The following FLNB variants were observed in gnomAD, a reference collection of about 807,000 sequenced individuals.
The protein encoded by FLNB is filamin B, also known as filamin-B.
In FLNB, 111 loss-of-function variants were observed where a neutral mutation model predicts 250.6. The ratio of observed to expected loss-of-function variants is 0.44; its 90% CI spans 0.38 to 0.52. The LOEUF is 0.52. FLNB is among the 20% of genes least tolerant of loss of function. The pLI, the probability that FLNB is intolerant of heterozygous loss-of-function variation, is 0.00. For missense variants in FLNB, 2,869 were observed against 3,447.8 expected (o/e 0.83, Z 4.20); for synonymous variants, 1,302 against 1,372.1 (o/e 0.95, Z 1.13).
intron 1 of FLNB, among the ~76,000 whole-genome samples, chr3:58,024,986 C>G (rs1478658310): frequency 6.8e-6 from 1 of 146,866 alleles, no homozygotes; most frequent in Non-Finnish European, 1.5e-5. Context: ...GCCAGAATTA[C>G]AAGCGTGAGC....
At chr3:58,073,711 G>A (rs1390951592) in intron 1 of FLNB, among the ~76,000 whole-genome samples, 1 of 152,210 alleles carries the variant, frequency 6.6e-6, no homozygotes, top group South Asian at 2.1e-4. Flanking sequence ...AGACTACAAG[G>A]AAGGTGCCAT....
intron 8 of FLNB, among the ~76,000 whole-genome samples, chr3:58,101,839 C>T (rs1285424798): frequency 2.6e-5 from 4 of 152,210 alleles, no homozygotes; most frequent in Non-Finnish European, 5.9e-5. Flanking sequence ...TATCCAATTA[C>T]TGAGCCCTTG....
chr3:58,040,686 G>A (rs1487917385), intron 1 of FLNB, among the ~76,000 whole-genome samples: 1 of 152,108 alleles, frequency 6.6e-6, no homozygotes, highest in East Asian at 1.9e-4. Context: ...GTAGAGACGG[G>A]GTTTCACCAC....
At chr3:58,036,494 CA>C (rs144097014) in intron 1 of FLNB, among the ~76,000 whole-genome samples, 4,017 of 152,124 alleles carry the variant, frequency 0.026, 158 homozygotes, top group African/African-American at 0.092. Flanking sequence ...GGTGGGATGG[CA>C]GAACTGGTTG....
In FLNB at chr3:58,055,463, G is replaced by A. The variant is rs940705515; in HGVS notation, c.293-21583G>A. Among the ~76,000 whole-genome samples, 9 of 152,138 alleles carry A rather than the reference G, an allele frequency of 5.9e-5. No homozygotes were observed. In the East Asian group the frequency reaches 1.2e-3, roughly 20 times the overall value. ...TTTTCAGTGACTTCCAAGAGTCTGC[G>A]TGAGAGATGACTGAGGTCTTGCCCT... is the stretch of plus-strand genomic sequence containing the variant. On this transcript the variant is annotated intron_variant, in intron 1 of 45. Transcript: ENST00000295956.
At chr3:58,151,573 C>T (rs1314769591) in intron 38 of FLNB, among the ~76,000 whole-genome samples, 4 of 152,170 alleles carry the variant, frequency 2.6e-5, no homozygotes, top group African/African-American at 9.7e-5. Context: ...TTTCCAGTCA[C>T]ATTGGTGTAC....
chr3:58,051,420 C>T (rs992472686), intron 1 of FLNB, among the ~76,000 whole-genome samples: 12 of 152,184 alleles, frequency 7.9e-5, no homozygotes, highest in African/African-American at 2.7e-4. Context: ...TGGGCACCTC[C>T]GGTTCTGCAA....
chr3:58,163,051 T>C, intron 42 of FLNB, 103 bp from the exon 43 acceptor site: 1 of 1,192,860 alleles, frequency 8.4e-7, no homozygotes, highest in South Asian at 1.2e-5. Context: ...GAACTGTTGA[T>C]TTTAAATGGG....
intron 1 of FLNB, among the ~76,000 whole-genome samples, chr3:58,018,505 T>C (rs904785040): frequency 1.3e-5 from 2 of 151,274 alleles, no homozygotes; most frequent in Admixed American, 6.6e-5. Context: ...TGGCTAGTTT[T>C]GGTATTTTTA....
intron 31 of FLNB, among the ~76,000 whole-genome samples, chr3:58,143,183 A>G (rs1345625499): frequency 1.3e-5 from 2 of 151,624 alleles, no homozygotes; most frequent in African/African-American, 4.8e-5. Flanking sequence ...TGCTCTATGT[A>G]TCCAGCTGGT....
intron 1 of FLNB, among the ~76,000 whole-genome samples, chr3:58,066,873 C>T (rs1411927361): frequency 6.6e-6 from 1 of 152,072 alleles, no homozygotes; most frequent in East Asian, 1.9e-4. Context: ...ACTCTCTATC[C>T]CAAAATAACA....
intron 43 of FLNB, chr3:58,165,768 C>A (rs142149151): frequency 6.6e-6 from 1 of 152,108 alleles, no homozygotes; most frequent in Non-Finnish European, 1.5e-5. Context: ...TCCAGGAACC[C>A]CAGTGTGCTC....
chr3:58,100,373 A>ATATATATATAT (rs1553696152), intron 8 of FLNB, among the ~76,000 whole-genome samples: 2 of 104,386 alleles, frequency 1.9e-5, no homozygotes, highest in African/African-American at 4.6e-5. Flanking sequence ...GTAAAAAAAA[A>ATATATATATAT]ATATATATAT....
chr3:58,155,592 T>C (rs1369521470), intron 40 of FLNB, among the ~76,000 whole-genome samples: 1 of 152,260 alleles, frequency 6.6e-6, no homozygotes, highest in Admixed American at 6.5e-5. Context: ...AATGGTGATG[T>C]AAGTCATATG....
chr3:58,017,693 C>T (rs912225813), intron 1 of FLNB, among the ~76,000 whole-genome samples: 3 of 152,168 alleles, frequency 2.0e-5, no homozygotes, highest in African/African-American at 7.2e-5. Flanking sequence ...TGTTGTAACT[C>T]TTCTGCAAAC....
chr3:58,027,884 T>C (rs1166997074), intron 1 of FLNB, among the ~76,000 whole-genome samples: 1 of 152,202 alleles, frequency 6.6e-6, no homozygotes, highest in Non-Finnish European at 1.5e-5. Flanking sequence ...AAGGTAACCA[T>C]AAATAAACCC....
chr3:58,109,384 G>A (rs2107118631), intron 14 of FLNB, 62 bp downstream of exon 14: 4 of 1,589,194 alleles, frequency 2.5e-6, no homozygotes, highest in Non-Finnish European at 3.4e-6. Context: ...ACCAGGTCTG[G>A]GATCCATGCC....
At chr3:58,149,077 C>A (rs1266188989) in intron 36 of FLNB, among the ~76,000 whole-genome samples, 3 of 152,076 alleles carry the variant, frequency 2.0e-5, no homozygotes, top group African/African-American at 7.2e-5. Context: ...TTTAGAGCCC[C>A]CTCTGCACTA....
At chr3:58,148,437 C>G in intron 35 of FLNB, 73 bp downstream of exon 35, 1 of 1,527,916 alleles carries the variant, frequency 6.5e-7, no homozygotes, top group Non-Finnish European at 8.9e-7. Context: ...GCAGTCCTTT[C>G]TTGGGAATGG....
Sources: gnomAD v4.1 joint callset for allele counts (sites outside exome capture counted in the v4.1 genomes callset) on GRCh38, gnomAD v4.1.1 for gene constraint, MANE v1.5 for transcripts, NCBI Gene and HGNC (gene_info 2026-07-23, HGNC 2026-07-21) for gene names.